The following UGGT1 variants were observed in gnomAD, a reference collection of about 807,000 sequenced individuals.
UGGT1 encodes the protein UDP-glucose:glycoprotein glucosyltransferase 1.
A neutral mutation model predicts 203.9 loss-of-function variants in UGGT1; 107 were observed. That is an observed-to-expected ratio of 0.52 (90% CI 0.45 to 0.62). UGGT1 has a LOEUF of 0.62. UGGT1 is among the 20% of genes least tolerant of loss of function. UGGT1 has a pLI of 0.00. For missense variants in UGGT1, 1,673 were observed against 1,867.2 expected, an observed-to-expected ratio of 0.90 and a Z score of 1.92; for synonymous variants, 628 against 653.5, an observed-to-expected ratio of 0.96 and a Z score of 0.59.
rs1690189021 is a variant in UGGT1 at position 128,155,581 on chromosome 2, A to G, written c.2230A>G (p.Lys744Glu). Reference sequence around the variant, plus strand: ...AGCCAATAGTATGAACTATCTGACAAAGAAAGGTAATCCATTTGAGGCTTA... The same window carrying G: ...AGCCAATAGTATGAACTATCTGACAGAGAAAGGTAATCCATTTGAGGCTTA... ...AVANSMNYLT[K>E]KGMSSKEIYD... Residue 744 changes from lysine to glutamate, a missense_variant, in exon 20 of 41, where the codon AAG becomes GAG. Coordinates refer to ENST00000259253, the MANE Select transcript of UGGT1 (RefSeq NM_020120.4). 5 of 1,610,214 alleles carry G rather than the reference A, an allele frequency of 3.1e-6. No homozygotes were observed. The highest frequency in any genetic ancestry group is 4.2e-6 in the Non-Finnish European group (5 of 1,178,680).
intron 16 of UGGT1, 77 bp downstream of exon 16, chr2:128,138,929 G>T: frequency 6.4e-7 from 1 of 1,561,548 alleles, no homozygotes; most frequent in Non-Finnish European, 8.7e-7. Context: ...GTCATTGTAT[G>T]CTAGGCAGCT....
At position 128,097,317 on chromosome 2, in the gene UGGT1, A is replaced by G. The variant is rs915678159; in HGVS notation, c.59-112A>G. ...CTTGAACCTGGGAGGCAGAGGTTGC[A>G]TGAGCCGAGATTGCACCACTGCACT... On this transcript the variant is annotated intron_variant, in intron 1 of 40. Coordinates refer to ENST00000259253, the MANE Select transcript of UGGT1 (RefSeq NM_020120.4). 1.3e-4 allele frequency: 169 copies of G among 1,264,442 alleles called. No homozygotes were observed. In the Middle Eastern group the frequency reaches 2.2e-3, roughly 17 times the overall value. 78.3% of individuals were successfully genotyped at this position (1,264,442 alleles called of 1,614,324 possible).
At position 128,174,877 on chromosome 2, in the gene UGGT1, G is replaced by A; in HGVS notation, c.3539+19G>A. 3 of 1,596,572 alleles carry A rather than the reference G, an allele frequency of 1.9e-6. No individual in the cohort carries two copies. Among genetic ancestry groups the A allele is most frequent in the Non-Finnish European group, 2.6e-6 (3 of 1,168,454 alleles). ...TTTACAGGTAGGAGTAAGTGATGCA[G>A]TTACATTATCCCAGAACTTTTAGAA... is the stretch of plus-strand genomic sequence containing the variant. On this transcript the variant is annotated intron_variant, in intron 31 of 40. Coordinates refer to ENST00000259253, the MANE Select transcript of UGGT1 (RefSeq NM_020120.4).
At chr2:128,115,083 A>G (rs1474048755) in intron 6 of UGGT1, 41 bp from the exon 7 acceptor site, 1 of 1,576,082 alleles carries the variant, frequency 6.3e-7, no homozygotes, top group Non-Finnish European at 8.7e-7. Flanking sequence ...TGACATAGAA[A>G]GAGCTAGGTG....
chr2:128,116,476 T>A, intron 8 of UGGT1, 133 bp downstream of exon 8: 1 of 593,438 alleles, frequency 1.7e-6, no homozygotes, highest in Non-Finnish European at 3.0e-6. Flanking sequence ...ATGTATGCAA[T>A]CCTACGTGGA....
Position 128,103,927 on chromosome 2 carries a change from C to G in UGGT1, c.195-5C>G. The stretch of plus-strand genomic sequence containing the variant: ...AGTTGTTTTATTTCTGATCTTTTCT[C>G]CCAGTGAGTTTTTAGCAGAAGACAG... On this transcript the variant is annotated splice_polypyrimidine_tract_variant and splice_region_variant and intron_variant, in intron 2 of 40. Transcript: ENST00000259253. 1 of 1,579,826 alleles carries G rather than the reference C, an allele frequency of 6.3e-7. No individual in the cohort carries two copies. The highest frequency in any genetic ancestry group is 1.4e-5 in the African/African-American group (1 of 73,104).
At chr2:128,145,989 A>AAGAG in intron 18 of UGGT1, 22 bp downstream of exon 18, 4 of 1,613,086 alleles carry the variant, frequency 2.5e-6, no homozygotes, top group Non-Finnish European at 3.4e-6. Context: ...TTCAAGGCTG[A>AAGAG]TTTTTTAAAG....
intron 25 of UGGT1, 84 bp downstream of exon 25, chr2:128,161,352 A>C: frequency 6.8e-7 from 1 of 1,471,822 alleles, no homozygotes; most frequent in Non-Finnish European, 9.2e-7. Flanking sequence ...GTTGTTACTC[A>C]TACTACATAT....
At chr2:128,145,706 ATTGT>A (rs1689654362) in intron 17 of UGGT1, 93 bp from the exon 18 acceptor site, 2 of 1,070,920 alleles carry the variant, frequency 1.9e-6, no homozygotes, top group Non-Finnish European at 2.5e-6. Flanking sequence ...ATTTCTATTG[ATTGT>A]TGTTAGAACA....
Position 128,185,469 on chromosome 2 carries a change from CTT to C in UGGT1, c.4360-1192_4360-1191del, listed in dbSNP as rs766681891. 1.7e-3 allele frequency among the ~76,000 whole-genome samples: 196 copies of C among 113,388 alleles called. 1 individual carries two copies. The highest frequency in any genetic ancestry group is 7.2e-3 in the African/African-American group (169 of 23,452). The allele number at this position is 113,388 out of a possible 152,430, so 74.4% of individuals were successfully genotyped here. On this transcript the variant is annotated intron_variant, in intron 38 of 40. Coordinates refer to ENST00000259253, the MANE Select transcript of UGGT1 (RefSeq NM_020120.4). ...GCAGGTGTGAGCCACCGTGCCCGGC[CTT>C]TTTTTTTTTTTTTTTTTTTTTAGAC... is the stretch of plus-strand genomic sequence containing the variant.
intron 18 of UGGT1, among the ~76,000 whole-genome samples, chr2:128,148,025 T>C (rs76975423): frequency 1.5e-3 from 229 of 152,312 alleles, no homozygotes; most frequent in African/African-American, 5.0e-3. Flanking sequence ...GTAACTGTTA[T>C]TTGTTTAGTG....
chr2:128,156,344 C>G, intron 20 of UGGT1, 48 bp from the exon 21 acceptor site: 3 of 1,453,016 alleles, frequency 2.1e-6, no homozygotes, highest in Non-Finnish European at 2.9e-6. Context: ...GGCATTCATT[C>G]CAGAAATGAT....
rs147069630 is a variant in UGGT1, at chr2:128,173,894, T to C, written c.3408T>C (p.Thr1136=). ...PPRGLQFTLG[T]SANPVIVDTI... is the part of the protein sequence containing the mutation. The stretch of plus-strand genomic sequence containing the variant: ...GGGGACTACAGTTTACCTTAGGAAC[T>C]TCAGCCAACCCGGTCATTGTGGACA... Residue 1136 remains threonine, a synonymous_variant, in exon 30 of 41, where the codon ACT becomes ACC. Transcript: ENST00000259253. 6,706 of 1,614,208 alleles carry C rather than the reference T, an allele frequency of 4.2e-3. 24 individuals are homozygous for C. Among genetic ancestry groups the C allele is most frequent in the Non-Finnish European group, 4.7e-3 (5,591 of 1,180,034 alleles).
Position 128,182,271 on chromosome 2 carries a change from G to A in UGGT1, c.4225G>A (p.Gly1409Arg), listed in dbSNP as rs778229022. The change falls in exon 37 of 41, where the codon GGG becomes AGG. Residue 1409 changes from glycine (G) to arginine (R), a missense_variant. Physicochemically the swap from Gly to Arg is moderately radical, Grantham distance 125. Transcript: ENST00000259253. ...KSGYWASHLA[G>R]RKYHISALYV... Reference sequence around the variant, plus strand: ...AGGGTACTGGGCCAGTCATTTAGCCGGGCGAAAGTATCATATCAGGTACTG... The same window carrying A: ...AGGGTACTGGGCCAGTCATTTAGCCAGGCGAAAGTATCATATCAGGTACTG... The A allele has an allele frequency of 3.5e-5, 56 of 1,613,010 alleles. No individual in the cohort carries two copies. Among genetic ancestry groups the A allele is most frequent in the South Asian group, 2.0e-4 (18 of 90,886 alleles).
chr2:128,103,666 C>T (rs1040915622), intron 2 of UGGT1, among the ~76,000 whole-genome samples: 31 of 151,752 alleles, frequency 2.0e-4, no homozygotes, highest in Middle Eastern at 6.8e-3. Flanking sequence ...TGAGACTTCC[C>T]TTTTATGTTT....
intron 12 of UGGT1, among the ~76,000 whole-genome samples, chr2:128,127,830 T>C (rs2105410133): frequency 6.6e-6 from 1 of 152,258 alleles, no homozygotes; most frequent in East Asian, 1.9e-4. Flanking sequence ...TCCCAGCACT[T>C]TGGGAGGCTG....
At chr2:128,116,373 G>A (rs576811344) in intron 8 of UGGT1, 30 bp downstream of exon 8, 87 of 1,437,966 alleles carry the variant, frequency 6.1e-5, no homozygotes, top group Middle Eastern at 3.5e-4. Flanking sequence ...TTTGGGAAAC[G>A]CCCTCATTTT....
intron 2 of UGGT1, among the ~76,000 whole-genome samples, chr2:128,100,790 A>G (rs1687343102): frequency 6.6e-6 from 1 of 152,142 alleles, no homozygotes; most frequent in South Asian, 2.1e-4. Flanking sequence ...ATTTCTTGAT[A>G]GTTGTACATT....
In UGGT1 at chr2:128,117,195, TTCTCCTGCC is replaced by T. The variant is rs1326766753; in HGVS notation, c.872+855_872+863del. Among the ~76,000 whole-genome samples the T allele has an allele frequency of 8.5e-5, 13 of 152,262 alleles. 1 individual carries two copies. Among genetic ancestry groups the T allele is most frequent in the Admixed American group, 6.5e-4 (10 of 15,296 alleles). On this transcript the variant is annotated intron_variant, in intron 8 of 40. Transcript: ENST00000259253. ...ACCTCCGTCTCCTGGGTTCAAGTGA[TTCTCCTGCC>T]TCAGCCCCCTGAGTAGCTAGGATTA...
Sources: gnomAD v4.1 joint callset for allele counts (sites outside exome capture counted in the v4.1 genomes callset) on GRCh38, gnomAD v4.1.1 for gene constraint, MANE v1.5 for transcripts, NCBI Gene and HGNC (gene_info 2026-07-23, HGNC 2026-07-21) for gene names.